VIRMA: variants seen among roughly 807,000 people sequenced by gnomAD.
VIRMA encodes the protein protein virilizer homolog.
In VIRMA, 65 loss-of-function variants were observed where a neutral mutation model predicts 182.4. The ratio of observed to expected loss-of-function variants is 0.36; its 90% CI spans 0.29 to 0.44. The LOEUF (loss-of-function observed/expected upper bound fraction) is 0.44. Ranked by LOEUF, VIRMA falls within the 20% of genes least tolerant of loss-of-function variation. VIRMA has a pLI of 1.00. For synonymous variants in VIRMA, 709 were observed against 743.1 expected (o/e 0.95, Z 0.75); for missense variants, 1,752 against 2,158.1 (o/e 0.81, Z 3.73).
chr8:94,491,467 G>A, intron 22 of VIRMA, 111 bp downstream of exon 22: 2 of 1,034,040 alleles, frequency 1.9e-6, no homozygotes, highest in South Asian at 3.2e-5. Context: ...TGGCTCAACT[G>A]CAGCAACAGG....
At chr8:94,500,735 T>G (rs560345123) in intron 16 of VIRMA, among the ~76,000 whole-genome samples, 1 of 149,844 alleles carries the variant, frequency 6.7e-6, no homozygotes, top group East Asian at 2.0e-4. Flanking sequence ...TACAACCCAG[T>G]AACCCCACTC....
chr8:94,553,420 A>C lies in VIRMA; in HGVS notation c.28T>G (p.Leu10Val). Residue 10 changes from leucine to valine, a missense_variant, in exon 1 of 24, where the codon TTA (leucine) becomes GTA (valine). Physicochemically the swap from Leu to Val is conservative, Grantham distance 32. Coordinates refer to ENST00000297591, the MANE Select transcript of VIRMA (RefSeq NM_015496.5). MAVDSAMELLFLDTFKHPSA... is the reference protein window; with the variant it reads MAVDSAMELVFLDTFKHPSA... ...GGGTGTTTAAAAGTATCTAAAAATAACAGCTCCATCGCCGAGTCCACCGCC... is the reference window on the plus strand; with the variant it reads ...GGGTGTTTAAAAGTATCTAAAAATACCAGCTCCATCGCCGAGTCCACCGCC... 1.2e-6 allele frequency: 2 copies of C among 1,614,232 alleles called. No individual in the cohort carries two copies. The highest frequency in any genetic ancestry group is 1.7e-6 in the Non-Finnish European group (2 of 1,180,040).
chr8:94,528,091 G>A (rs752397086), intron 7 of VIRMA, among the ~76,000 whole-genome samples: 24 of 151,952 alleles, frequency 1.6e-4, no homozygotes, highest in Non-Finnish European at 3.2e-4. Context: ...AAAATTACCT[G>A]AGCGTAGGGG....
intron 23 of VIRMA, 24 bp downstream of exon 23, chr8:94,489,915 A>AT: frequency 1.2e-6 from 2 of 1,607,286 alleles, no homozygotes; most frequent in Non-Finnish European, 1.7e-6. Flanking sequence ...TCTCTCAGCA[A>AT]TATCAAGTAG....
At chr8:94,500,368 G>C (rs1813929679) in intron 16 of VIRMA, among the ~76,000 whole-genome samples, 1 of 152,134 alleles carries the variant, frequency 6.6e-6, no homozygotes, top group African/African-American at 2.4e-5. Flanking sequence ...CACTGCACTA[G>C]GCCTGGGCAA....
At chr8:94,516,484 CA>C (rs1476755519) in intron 10 of VIRMA, among the ~76,000 whole-genome samples, 1 of 152,008 alleles carries the variant, frequency 6.6e-6, no homozygotes, top group African/African-American at 2.4e-5. Context: ...AAAAGCACTC[CA>C]ATGTAAAAAG....
At chr8:94,519,841 ATATAG>A (rs1288619460) in intron 8 of VIRMA, among the ~76,000 whole-genome samples, 2 of 152,112 alleles carry the variant, frequency 1.3e-5, no homozygotes, top group African/African-American at 4.8e-5. Context: ...TCTAGGAAAA[ATATAG>A]TATATACAGT....
rs1185932558 is a variant in VIRMA at position 94,511,152 on chromosome 8, A to G, written c.3390+33T>C. ...CTTTTTAAAAAGTGTTACTGCAGTC[A>G]TTTATAAGATGCATGTTATATGGAA... On this transcript the variant is annotated intron_variant, in intron 13 of 23. Transcript: ENST00000297591. 3 of 1,593,740 alleles carry G rather than the reference A, an allele frequency of 1.9e-6. No homozygotes were observed. The South Asian group carries it at 3.5e-5, about 18-fold the overall frequency.
At position 94,519,159 on chromosome 8, in the gene VIRMA, C is replaced by T. The variant is rs115911508; in HGVS notation, c.2339G>A (p.Arg780His). 391 of 1,614,100 alleles carry T rather than the reference C, an allele frequency of 2.4e-4. 1 individual carries two copies. The African/African-American group carries it at 4.2e-3, about 17-fold the overall frequency. ...CITELFSHFQRCTASEETDHS... is the reference protein window; with the variant it reads ...CITELFSHFQHCTASEETDHS... ...GTCTGTTTCTTCACTGGCTGTACAA[C>T]GCTGAAAATGGCTGAACAGTTCTGT... The change falls in exon 9 of 24, where the codon CGT becomes CAT. Residue 780 changes from arginine (R) to histidine (H), a missense_variant. Around this residue, in one of 11 missense-constraint regions of VIRMA, gnomAD observed 45 missense variants for 91.0 expected, o/e 0.49. Coordinates refer to ENST00000297591, the MANE Select transcript of VIRMA (RefSeq NM_015496.5).
In VIRMA at chr8:94,538,330, T is replaced by C; in HGVS notation, c.196A>G (p.Thr66Ala). The change falls in exon 3 of 24, where the codon ACA (threonine) becomes GCA (alanine). Residue 66 changes from threonine (T) to alanine (A), a missense_variant. Thr to Ala is a moderately conservative substitution (Grantham distance 58). Transcript: ENST00000297591. ...NRAYGETSPH[T>A]FQLDLFFNNV... ...TTGAAGAATAAGTCTAATTGAAATG[T>C]ATGGGGAGATGTCTCTCTGTAAATG... is the stretch of plus-strand genomic sequence containing the variant. 6.2e-7 allele frequency: 1 copy of C among 1,609,792 alleles called. No homozygotes were observed.
intron 22 of VIRMA, 54 bp from the exon 23 acceptor site, chr8:94,490,136 C>T: frequency 6.5e-7 from 1 of 1,537,686 alleles, no homozygotes; most frequent in Non-Finnish European, 8.8e-7. Context: ...CAGTTGGATT[C>T]TTTTAAGTGA....
chr8:94,527,488 G>T, intron 7 of VIRMA, 125 bp from the exon 8 acceptor site: 2 of 574,354 alleles, frequency 3.5e-6, no homozygotes, highest in Non-Finnish European at 5.8e-6. Flanking sequence ...ACCAACTTCT[G>T]CCCCAACATC....
chr8:94,509,176 G>A (rs1334612538), intron 15 of VIRMA, among the ~76,000 whole-genome samples: 6 of 152,074 alleles, frequency 3.9e-5, no homozygotes, highest in Admixed American at 2.6e-4. Flanking sequence ...CGAGGCAGGT[G>A]GATCACCTGA....
chr8:94,511,147 C>T (rs377477033), intron 13 of VIRMA, 38 bp downstream of exon 13: 2 of 1,590,016 alleles, frequency 1.3e-6, no homozygotes, highest in Admixed American at 3.8e-5. Flanking sequence ...AGTGTTACTG[C>T]AGTCATTTAT....
At chr8:94,540,306 T>C (rs1265489379) in intron 2 of VIRMA, among the ~76,000 whole-genome samples, 3 of 148,218 alleles carry the variant, frequency 2.0e-5, no homozygotes, top group Admixed American at 6.6e-5. Flanking sequence ...GATGTAAAAG[T>C]ACTCCTGATA....
chr8:94,514,626 T>C (rs913680141), intron 11 of VIRMA, among the ~76,000 whole-genome samples: 12 of 152,188 alleles, frequency 7.9e-5, no homozygotes, highest in African/African-American at 2.4e-4. Flanking sequence ...AGGGAAAAAA[T>C]AGGACAGAAT....
At chr8:94,525,267 T>C (rs1814919885) in intron 8 of VIRMA, among the ~76,000 whole-genome samples, 1 of 152,236 alleles carries the variant, frequency 6.6e-6, no homozygotes, top group African/African-American at 2.4e-5. Context: ...AAGCAGGAGA[T>C]ACACTTTAAC....
At chr8:94,497,437 TC>T (rs1813817996) in intron 17 of VIRMA, 1 of 136,468 alleles carries the variant, frequency 7.3e-6, no homozygotes, top group Non-Finnish European at 1.6e-5. Context: ...TCTTTTTTTT[TC>T]TTTTTTTTGA....
intron 8 of VIRMA, among the ~76,000 whole-genome samples, chr8:94,519,787 G>T (rs1814697929): frequency 6.6e-6 from 1 of 151,994 alleles, no homozygotes; most frequent in Non-Finnish European, 1.5e-5. Flanking sequence ...TTTCACCATG[G>T]TCCTACTTTA....
Sources: allele counts gnomAD v4.1 joint callset (sites outside exome capture counted in the v4.1 genomes callset), GRCh38; gene constraint gnomAD v4.1.1; regional missense constraint gnomAD v4.1.1; transcripts MANE v1.5; gene names NCBI Gene and HGNC (gene_info 2026-07-23, HGNC 2026-07-21).